Variants in FRMD3 observed in about 807,000 individuals in gnomAD.
The protein encoded by FRMD3 is FERM domain containing 3, also known as FERM domain-containing protein 3.
FRMD3 carries 33 observed loss-of-function variants against 70.2 expected under a neutral mutation model. That is an observed-to-expected ratio of 0.47 (90% CI 0.36 to 0.63). FRMD3 has a LOEUF of 0.63. Ranked by LOEUF, FRMD3 falls within the 20% of genes least tolerant of loss-of-function variation. The probability of loss-of-function intolerance (pLI) is 0.00; values close to 1 mark genes in which losing one functional copy is unlikely to be tolerated. For missense variants in FRMD3, 632 were observed against 711.4 expected, an observed-to-expected ratio of 0.89 and a Z score of 1.27; for synonymous variants, 279 against 255.9, an observed-to-expected ratio of 1.09 and a Z score of -0.86.
the FRMD3 span, among the ~76,000 whole-genome samples, chr9:83,551,009 C>T: frequency 0.019 from 2,818 of 152,108 alleles, 32 homozygotes; most frequent in Middle Eastern, 0.041. Flanking sequence ...ACTTCCAATA[C>T]TATGTTGAAC....
intron 1 of FRMD3, among the ~76,000 whole-genome samples, chr9:83,493,967 T>A (rs1828884964): frequency 2.6e-5 from 4 of 152,154 alleles, no homozygotes; most frequent in Admixed American, 2.6e-4. Flanking sequence ...GCTGCATAGA[T>A]CTCATGCGCT....
At chr9:83,349,442 C>G (rs1006879435) in intron 4 of FRMD3, among the ~76,000 whole-genome samples, 1 of 152,176 alleles carries the variant, frequency 6.6e-6, no homozygotes, top group African/African-American at 2.4e-5. Context: ...AGAACACCTC[C>G]CCCATCATAG....
intron 2 of FRMD3, among the ~76,000 whole-genome samples, chr9:83,376,766 T>G (rs1173475536): frequency 6.6e-6 from 1 of 152,064 alleles, no homozygotes; most frequent in Non-Finnish European, 1.5e-5. Flanking sequence ...TGATATTATA[T>G]GTATATATGG....
Position 83,482,086 on chromosome 9 carries a change from C to A in FRMD3, c.147+55999G>T, listed in dbSNP as rs79361891. Among the ~76,000 whole-genome samples, 819 of 152,294 alleles carry A rather than the reference C, an allele frequency of 5.4e-3. 12 individuals carry two copies. Among genetic ancestry groups the A allele is most frequent in the African/African-American group, 0.018 (731 of 41,552 alleles). On this transcript the variant is annotated intron_variant, in intron 1 of 13. Coordinates refer to ENST00000304195, the MANE Select transcript of FRMD3 (RefSeq NM_174938.6). ...GCAAATTACTTTGCCAGGAAATCTT[C>A]TTTTATGGCTCTTTGCTGTCTCCAC...
intron 4 of FRMD3, 81 bp downstream of exon 4, chr9:83,349,598 G>A: frequency 5.3e-6 from 5 of 940,270 alleles, no homozygotes; most frequent in South Asian, 4.3e-5. Flanking sequence ...CTCTAGACAG[G>A]AGGCCCATCT....
intron 3 of FRMD3, among the ~76,000 whole-genome samples, chr9:83,358,358 G>A (rs555055995): frequency 6.6e-6 from 1 of 152,290 alleles, no homozygotes; most frequent in South Asian, 2.1e-4. Flanking sequence ...TTTGAAGTCG[G>A]GTAATGTGAT....
At chr9:83,398,427 A>G (rs1352953649) in intron 1 of FRMD3, among the ~76,000 whole-genome samples, 3 of 152,178 alleles carry the variant, frequency 2.0e-5, no homozygotes, top group Non-Finnish European at 4.4e-5. Flanking sequence ...GAATAGAGGA[A>G]CCTCTCATGG....
At chr9:83,419,710 G>A (rs988397583) in intron 1 of FRMD3, among the ~76,000 whole-genome samples, 4 of 152,032 alleles carry the variant, frequency 2.6e-5, no homozygotes, top group Non-Finnish European at 5.9e-5. Flanking sequence ...GTGTGTGTGT[G>A]CTATGTACTG....
upstream of FRMD3, among the ~76,000 whole-genome samples, chr9:83,543,426 C>T (rs532966717): frequency 8.5e-5 from 13 of 152,198 alleles, no homozygotes; most frequent in East Asian, 1.4e-3. Context: ...TCGGTGTGGG[C>T]GGCAATTTGG....
intron 1 of FRMD3, among the ~76,000 whole-genome samples, chr9:83,420,517 T>C (rs959611236): frequency 6.6e-6 from 1 of 152,276 alleles, no homozygotes; most frequent in African/African-American, 2.4e-5. Context: ...ACCTAAAAGA[T>C]ACCTTTGGAT....
intron 1 of FRMD3, among the ~76,000 whole-genome samples, chr9:83,492,465 G>T (rs1206545163): frequency 6.6e-6 from 1 of 152,178 alleles, no homozygotes; most frequent in Non-Finnish European, 1.5e-5. Flanking sequence ...ACCCAGGATG[G>T]TCGCAGCACA....
intron 1 of FRMD3, among the ~76,000 whole-genome samples, chr9:83,514,397 C>A (rs557482634): frequency 1.4e-4 from 21 of 152,176 alleles, no homozygotes; most frequent in Non-Finnish European, 2.6e-4. Context: ...CTGCTGTAGC[C>A]AGACTGACTC....
At chr9:83,324,010 CT>C (rs1335097085) in intron 6 of FRMD3, among the ~76,000 whole-genome samples, 1 of 152,194 alleles carries the variant, frequency 6.6e-6, no homozygotes, top group Non-Finnish European at 1.5e-5. Flanking sequence ...GTAACTCTGT[CT>C]GCAATAGCAA....
intron 6 of FRMD3, among the ~76,000 whole-genome samples, chr9:83,315,448 G>C (rs1467162727): frequency 6.6e-6 from 1 of 152,152 alleles, no homozygotes; most frequent in Non-Finnish European, 1.5e-5. Flanking sequence ...CAACGTTGGA[G>C]GAGGGGCCTG....
chr9:83,550,652 A>C, the FRMD3 span, among the ~76,000 whole-genome samples: 1 of 150,530 alleles, frequency 6.6e-6, no homozygotes, highest in African/African-American at 2.4e-5. Flanking sequence ...CATTGTAGAG[A>C]TCTTTCACCT....
intron 3 of FRMD3, among the ~76,000 whole-genome samples, chr9:83,352,232 T>C (rs1438758070): frequency 6.6e-6 from 1 of 152,228 alleles, no homozygotes; most frequent in Non-Finnish European, 1.5e-5. Flanking sequence ...TCTCAAAAGT[T>C]GAATTGTTGG....
At chr9:83,334,603 A>G (rs1312484107) in intron 6 of FRMD3, among the ~76,000 whole-genome samples, 2 of 149,988 alleles carry the variant, frequency 1.3e-5, no homozygotes, top group Non-Finnish European at 3.0e-5. Flanking sequence ...AACACTGCCC[A>G]TGCTTGCTAT....
chr9:83,457,601 C>T lies in FRMD3; in HGVS notation c.148-67893G>A, dbSNP rs4620357. On this transcript the variant is annotated intron_variant, in intron 1 of 13. Transcript: ENST00000304195. ...TATAGTGCTTAATATAATGTAAATG[C>T]TATGTAAATAGTTGTTATACAGCAT... Among the ~76,000 whole-genome samples, 1,074 of 152,206 alleles carry T rather than the reference C, an allele frequency of 7.1e-3. 12 individuals are homozygous for T. The highest frequency in any genetic ancestry group is 0.024 in the African/African-American group (1,008 of 41,508).
At chr9:83,536,930 T>TTA (rs1829904792) in intron 1 of FRMD3, among the ~76,000 whole-genome samples, 5 of 60,894 alleles carry the variant, frequency 8.2e-5, no homozygotes, top group Non-Finnish European at 1.6e-4. Flanking sequence ...TGTATTACAC[T>TTA]AAAAAAAAAA....
Sources: allele counts gnomAD v4.1 joint callset (sites outside exome capture counted in the v4.1 genomes callset), GRCh38; gene constraint gnomAD v4.1.1; transcripts MANE v1.5; gene names NCBI Gene and HGNC (gene_info 2026-07-23, HGNC 2026-07-21).